The following APP variants were observed in gnomAD, a reference collection of about 807,000 sequenced individuals.
The protein encoded by APP is amyloid beta precursor protein, also known as amyloid-beta precursor protein.
In APP, 31 loss-of-function variants were observed where a neutral mutation model predicts 101.4. That is an observed-to-expected ratio of 0.31 (90% CI 0.23 to 0.41). APP has a LOEUF of 0.41. APP is among the 10% of genes least tolerant of loss of function. The pLI is 1.00. For synonymous variants in APP, 366 were observed against 364.4 expected, an observed-to-expected ratio of 1.00 and a Z score of -0.05; for missense variants, 839 against 1,003.7, an observed-to-expected ratio of 0.84 and a Z score of 2.22.
chr21:25,913,629 C>G (rs1386203603), intron 13 of APP, among the ~76,000 whole-genome samples: 2 of 152,152 alleles, frequency 1.3e-5, no homozygotes, highest in South Asian at 2.1e-4. Flanking sequence ...AGGAAATAAC[C>G]TTTGCCAGCG....
intron 6 of APP, among the ~76,000 whole-genome samples, chr21:26,001,778 C>A (rs1218907294): frequency 1.0e-5 from 1 of 95,290 alleles, no homozygotes; most frequent in Non-Finnish European, 2.0e-5. Flanking sequence ...GGATTACAGG[C>A]GTGAGCCACT....
At chr21:26,132,763 T>A (rs1208943665) in intron 1 of APP, among the ~76,000 whole-genome samples, 2 of 152,224 alleles carry the variant, frequency 1.3e-5, no homozygotes, top group Non-Finnish European at 2.9e-5. Context: ...GACTATAGTA[T>A]TTTGAGTGTT....
At chr21:26,055,854 C>T (rs1193762244) in intron 3 of APP, among the ~76,000 whole-genome samples, 1 of 151,282 alleles carries the variant, frequency 6.6e-6, no homozygotes, top group Non-Finnish European at 1.5e-5. Context: ...ATCAGATACA[C>T]TCGACCTTGG....
At chr21:26,068,844 C>A (rs549195254) in intron 3 of APP, among the ~76,000 whole-genome samples, 1 of 152,294 alleles carries the variant, frequency 6.6e-6, no homozygotes, top group Admixed American at 6.5e-5. Flanking sequence ...GGGTCAACAG[C>A]CTCCTCCACT....
intron 7 of APP, among the ~76,000 whole-genome samples, chr21:25,998,791 CAAATAAAT>C (rs3084256): frequency 4.0e-5 from 6 of 151,630 alleles, no homozygotes; most frequent in East Asian, 1.9e-4. Context: ...ACAACAACAA[CAAATAAAT>C]AAATAAATAA....
intron 1 of APP, among the ~76,000 whole-genome samples, chr21:26,170,159 G>A (rs1260036321): frequency 6.6e-6 from 1 of 152,190 alleles, no homozygotes; most frequent in African/African-American, 2.4e-5. Flanking sequence ...AAGAGCGAAG[G>A]ACTGGCTTTA....
chr21:25,911,718 T>C, intron 14 of APP, 23 bp downstream of exon 14: 1 of 1,609,510 alleles, frequency 6.2e-7, no homozygotes, highest in Non-Finnish European at 8.5e-7. Flanking sequence ...CAGAACGCCC[T>C]TGCTGGCTCA....
At chr21:25,972,058 A>T (rs1459644962) in intron 11 of APP, among the ~76,000 whole-genome samples, 1 of 152,254 alleles carries the variant, frequency 6.6e-6, no homozygotes, top group Non-Finnish European at 1.5e-5. Flanking sequence ...ATCAAAATTG[A>T]TTCAAAGTTG....
intron 15 of APP, among the ~76,000 whole-genome samples, chr21:25,902,998 C>A (rs1451326518): frequency 6.6e-6 from 1 of 152,096 alleles, no homozygotes; most frequent in Admixed American, 6.5e-5. Context: ...CTAGCTCTTC[C>A]TTTAAAACAC....
intron 1 of APP, among the ~76,000 whole-genome samples, chr21:26,116,223 A>G (rs1307514388): frequency 6.6e-6 from 1 of 152,230 alleles, no homozygotes; most frequent in Non-Finnish European, 1.5e-5. Flanking sequence ...AGAGACGTAC[A>G]TATCAAACTT....
intron 1 of APP, among the ~76,000 whole-genome samples, chr21:26,116,590 G>C (rs1263377902): frequency 6.6e-6 from 1 of 152,156 alleles, no homozygotes; most frequent in Non-Finnish European, 1.5e-5. Context: ...ATTCCTTATA[G>C]AGCAGGCTTG....
intron 3 of APP, among the ~76,000 whole-genome samples, chr21:26,055,699 A>C (rs2046013446): frequency 6.6e-6 from 1 of 152,226 alleles, no homozygotes; most frequent in African/African-American, 2.4e-5. Context: ...GCAAATGTCC[A>C]AACTAAGAAG....
At chr21:26,009,649 G>A (rs944858444) in intron 6 of APP, 7 of 150,642 alleles carry the variant, frequency 4.6e-5, no homozygotes, top group African/African-American at 1.5e-4. Flanking sequence ...GAGTACAATG[G>A]AGTGAACTCG....
intron 1 of APP, among the ~76,000 whole-genome samples, chr21:26,156,240 G>A (rs1423908539): frequency 3.3e-5 from 5 of 152,028 alleles, no homozygotes; most frequent in African/African-American, 7.2e-5. Flanking sequence ...AAATGAACTC[G>A]TATGAATAGA....
intron 11 of APP, among the ~76,000 whole-genome samples, chr21:25,970,151 A>C (rs992225380): frequency 6.6e-5 from 10 of 151,932 alleles, no homozygotes; most frequent in Non-Finnish European, 1.3e-4. Flanking sequence ...TTTTTTTTTC[A>C]AATGAACATG....
At chr21:26,090,263 G>T (rs2061795011) in intron 2 of APP, among the ~76,000 whole-genome samples, 191 bp from the exon 3 acceptor site, 1 of 152,178 alleles carries the variant, frequency 6.6e-6, no homozygotes, top group Non-Finnish European at 1.5e-5. Context: ...TACTGGTTGA[G>T]CATCTGGAAT....
intron 13 of APP, among the ~76,000 whole-genome samples, chr21:25,951,282 T>C (rs2041064012): frequency 6.6e-6 from 1 of 152,188 alleles, no homozygotes; most frequent in Admixed American, 6.5e-5. Context: ...TTTTCACCCA[T>C]AAAAGAGAAT....
At chr21:26,005,992 CA>C (rs2043515033) in intron 6 of APP, among the ~76,000 whole-genome samples, 1 of 151,978 alleles carries the variant, frequency 6.6e-6, no homozygotes, top group African/African-American at 2.4e-5. Context: ...TAAGAAAAAA[CA>C]AAAAACTCTT....
intron 17 of APP, among the ~76,000 whole-genome samples, chr21:25,890,438 T>G (rs939964669): frequency 6.6e-6 from 1 of 152,156 alleles, no homozygotes; most frequent in African/African-American, 2.4e-5. Flanking sequence ...TGGACTTTTC[T>G]CTGATGGAAA....
Sources: gnomAD v4.1 joint callset for allele counts (sites outside exome capture counted in the v4.1 genomes callset) on GRCh38, gnomAD v4.1.1 for gene constraint, MANE v1.5 for transcripts, NCBI Gene and HGNC (gene_info 2026-07-23, HGNC 2026-07-21) for gene names.